Variants in RALYL observed in about 807,000 individuals in gnomAD.
RALYL encodes RNA-binding Raly-like protein.
In RALYL, 29 loss-of-function variants were observed where a neutral mutation model predicts 35.1. The observed-to-expected ratio is 0.83, with a 90% CI of 0.61 to 1.13. RALYL has a LOEUF of 1.13. RALYL is among the 50% of genes most tolerant of loss of function. The pLI is 0.00. For missense variants in RALYL, 359 were observed against 360.4 expected (o/e 1.00, Z 0.03); for synonymous variants, 120 against 127.6 (o/e 0.94, Z 0.40).
chr8:84,752,232 G>A (rs895519376), intron 2 of RALYL, among the ~76,000 whole-genome samples: 11 of 152,116 alleles, frequency 7.2e-5, no homozygotes, highest in Non-Finnish European at 1.5e-4. Context: ...AGGGATCTGC[G>A]GAACTTTGAA....
chr8:84,838,684 A>C (rs930377485), intron 4 of RALYL, among the ~76,000 whole-genome samples: 1 of 152,232 alleles, frequency 6.6e-6, no homozygotes, highest in African/African-American at 2.4e-5. Context: ...ACATCTTAGC[A>C]GTCAGGATTG....
At chr8:84,407,434 T>G (rs1190112381) in intron 1 of RALYL, among the ~76,000 whole-genome samples, 1 of 152,122 alleles carries the variant, frequency 6.6e-6, no homozygotes, top group Non-Finnish European at 1.5e-5. Context: ...AATGAAGGAA[T>G]CCCCATGTGT....
intron 2 of RALYL, among the ~76,000 whole-genome samples, chr8:84,668,860 C>A (rs997098959): frequency 1.8e-4 from 27 of 151,656 alleles, no homozygotes; most frequent in African/African-American, 6.5e-4. Context: ...ATAAAGAAAT[C>A]AAAAAGTAGA....
At chr8:84,573,096 C>T (rs1027336491) in intron 2 of RALYL, among the ~76,000 whole-genome samples, 1 of 151,218 alleles carries the variant, frequency 6.6e-6, no homozygotes, top group African/African-American at 2.4e-5. Context: ...TCACATTATA[C>T]TTTATGTATA....
At chr8:84,434,091 A>G (rs529965143) in intron 1 of RALYL, among the ~76,000 whole-genome samples, 1 of 152,136 alleles carries the variant, frequency 6.6e-6, no homozygotes, top group African/African-American at 2.4e-5. Context: ...TACAAGTCCA[A>G]GATCAAGGGT....
rs192926849 is a variant in RALYL, at chr8:84,195,232, C to T, written c.-24+10808C>T. Among the ~76,000 whole-genome samples, 9 of 152,118 alleles carry T rather than the reference C, an allele frequency of 5.9e-5. No individual in the cohort carries two copies. The East Asian group carries it at 1.7e-3, about 30-fold the overall frequency. On this transcript the variant is annotated intron_variant, in intron 1 of 8. Transcript: ENST00000521268. Reference sequence around the variant, plus strand: ...TGTCGGGGATCTATTATATGTAAGTCACTGTATTTGGGTCAACATGGTGTG... The same window carrying T: ...TGTCGGGGATCTATTATATGTAAGTTACTGTATTTGGGTCAACATGGTGTG...
intron 7 of RALYL, among the ~76,000 whole-genome samples, chr8:84,877,879 A>T (rs1841470620): frequency 6.6e-6 from 1 of 152,152 alleles, no homozygotes; most frequent in Non-Finnish European, 1.5e-5. Context: ...GCTCTCATTG[A>T]CACTTCAGAT....
intron 1 of RALYL, among the ~76,000 whole-genome samples, chr8:84,252,171 T>G: frequency 6.6e-6 from 1 of 152,108 alleles, no homozygotes; most frequent in Admixed American, 6.6e-5. Context: ...GCACCCTATT[T>G]GTGACAAACA....
chr8:84,604,930 GA>G (rs1400289635), intron 2 of RALYL, among the ~76,000 whole-genome samples: 1 of 152,038 alleles, frequency 6.6e-6, no homozygotes, highest in Non-Finnish European at 1.5e-5. Context: ...ATGTGGATAA[GA>G]TTTGGTAGTT....
At chr8:84,887,289 T>C (rs1281260118) in intron 7 of RALYL, among the ~76,000 whole-genome samples, 3 of 152,174 alleles carry the variant, frequency 2.0e-5, no homozygotes, top group Non-Finnish European at 4.4e-5. Flanking sequence ...TAGAAAGCAC[T>C]ATATATAAAA....
chr8:84,508,840 A>G (rs1457768620), intron 1 of RALYL, among the ~76,000 whole-genome samples: 1 of 127,710 alleles, frequency 7.8e-6, no homozygotes, highest in African/African-American at 2.9e-5. Flanking sequence ...GCATTATAAA[A>G]ATTATAATAA....
chr8:84,448,806 C>T (rs1487238682), intron 1 of RALYL, among the ~76,000 whole-genome samples: 2 of 151,998 alleles, frequency 1.3e-5, no homozygotes, highest in African/African-American at 4.8e-5. Flanking sequence ...TCCATTCCCT[C>T]TATGGATTAA....
At chr8:84,219,482 A>T (rs1821646874) in intron 1 of RALYL, among the ~76,000 whole-genome samples, 1 of 152,068 alleles carries the variant, frequency 6.6e-6, no homozygotes, top group Admixed American at 6.6e-5. Flanking sequence ...AAATTGACTA[A>T]TATATGTATT....
intron 1 of RALYL, among the ~76,000 whole-genome samples, chr8:84,490,604 G>A (rs910772511): frequency 1.3e-5 from 2 of 151,920 alleles, no homozygotes; most frequent in African/African-American, 4.8e-5. Flanking sequence ...AGGGGCTAGA[G>A]GAGTGTTTGG....
At chr8:84,296,356 G>T (rs534104721) in intron 1 of RALYL, among the ~76,000 whole-genome samples, 4 of 152,016 alleles carry the variant, frequency 2.6e-5, no homozygotes, top group African/African-American at 4.8e-5. Flanking sequence ...AGACTAAAAG[G>T]TTCCCAAGAA....
At chr8:84,431,806 G>A (rs1195424245) in intron 1 of RALYL, among the ~76,000 whole-genome samples, 3 of 152,072 alleles carry the variant, frequency 2.0e-5, no homozygotes, top group African/African-American at 7.2e-5. Flanking sequence ...GGACTTTTAA[G>A]TTGATTTCAT....
chr8:84,352,113 C>T (rs1851009628), intron 1 of RALYL, among the ~76,000 whole-genome samples: 1 of 150,216 alleles, frequency 6.7e-6, no homozygotes, highest in Admixed American at 6.6e-5. Context: ...AATTTTTATC[C>T]ACAATATATT....
intron 1 of RALYL, among the ~76,000 whole-genome samples, chr8:84,495,839 G>A (rs894314568): frequency 6.6e-6 from 1 of 152,038 alleles, no homozygotes; most frequent in Admixed American, 6.6e-5. Flanking sequence ...AACAAGGATA[G>A]CAAAACCACT....
chr8:84,508,090 T>C (rs2057322302), intron 1 of RALYL, among the ~76,000 whole-genome samples: 1 of 152,180 alleles, frequency 6.6e-6, no homozygotes, highest in Non-Finnish European at 1.5e-5. Context: ...AAAGAAGTTA[T>C]ATTAGACACA....
Sources: allele counts gnomAD v4.1 joint callset (sites outside exome capture counted in the v4.1 genomes callset), GRCh38; gene constraint gnomAD v4.1.1; transcripts MANE v1.5; gene names NCBI Gene and HGNC (gene_info 2026-07-23, HGNC 2026-07-21).